The following PTPRF variants were observed in gnomAD, a reference collection of about 807,000 sequenced individuals.
PTPRF encodes the protein protein tyrosine phosphatase receptor type F, also known as receptor-type tyrosine-protein phosphatase F.
In PTPRF, 59 loss-of-function variants were observed where a neutral mutation model predicts 201.8. The observed-to-expected ratio is 0.29, with a 90% CI of 0.24 to 0.36. PTPRF has a LOEUF of 0.36. PTPRF is among the 10% of genes least tolerant of loss of function. The pLI, the probability that PTPRF is intolerant of heterozygous loss-of-function variation, is 1.00. For synonymous variants in PTPRF, 1,088 were observed against 1,089.7 expected (o/e 1.00, Z 0.03); for missense variants, 2,132 against 2,690.5 (o/e 0.79, Z 4.59).
intron 3 of PTPRF, among the ~76,000 whole-genome samples, chr1:43,551,078 C>CG (rs1363452351): frequency 1.3e-5 from 2 of 151,924 alleles, no homozygotes; most frequent in Non-Finnish European, 2.9e-5. Context: ...GGCGGGGTGT[C>CG]GGGGGAGGCT....
intron 12 of PTPRF, 42 bp downstream of exon 12, chr1:43,598,095 C>T (rs1350483549): frequency 7.0e-7 from 1 of 1,436,814 alleles, no homozygotes; most frequent in African/African-American, 1.4e-5. Flanking sequence ...CGTTCTGCCT[C>T]AGACACCACC....
rs765661827 is a variant in PTPRF, at chr1:43,591,444, C to T, written c.1422C>T (p.Thr474=). 5.7e-5 allele frequency: 91 copies of T among 1,591,346 alleles called. No individual in the cohort carries two copies. Among genetic ancestry groups the T allele is most frequent in the Middle Eastern group, 3.3e-4 (2 of 6,056 alleles). ...KHNTDAGLLT[T]VGSLLPGITY... is the part of the protein sequence containing the mutation. ...ACACCGACGCGGGGCTCCTCACGAC[C>T]GTGGGCAGCCTGCTGCCTGGCATCA... is the stretch of plus-strand genomic sequence containing the variant. The change falls in exon 9 of 34, where the codon ACC becomes ACT. Residue 474 remains threonine, a synonymous_variant. Transcript: ENST00000359947.
At chr1:43,576,339 G>GC (rs1646928774) in intron 6 of PTPRF, among the ~76,000 whole-genome samples, 2 of 152,190 alleles carry the variant, frequency 1.3e-5, no homozygotes, top group South Asian at 4.1e-4. Flanking sequence ...CTTTTGGGGG[G>GC]ACCTCAATTA....
chr1:43,609,323 A>G, intron 21 of PTPRF, 60 bp from the exon 22 acceptor site: 10 of 1,391,672 alleles, frequency 7.2e-6, no homozygotes, highest in Non-Finnish European at 1.0e-5. Context: ...CAGCCATGCC[A>G]TGTGTCACTG....
At position 43,617,567 on chromosome 1, in the gene PTPRF, T is replaced by C; in HGVS notation, c.4194T>C (p.Asp1398=). ...DHSRVILTSI[D]GVPGSDYINA... Reference sequence around the variant, plus strand: ...CTCGAGTCATCCTTACCTCTATCGATGGTGAGCCAAGGGGGTGCCCCTCCC... The same window carrying C: ...CTCGAGTCATCCTTACCTCTATCGACGGTGAGCCAAGGGGGTGCCCCTCCC... Residue 1398 remains aspartate (D), a splice_region_variant and synonymous_variant, in exon 24 of 34, where the codon GAT becomes GAC. Transcript: ENST00000359947. The C allele has an allele frequency of 6.2e-7, 1 of 1,613,948 alleles. No homozygotes were observed. Among genetic ancestry groups the C allele is most frequent in the Non-Finnish European group, 8.5e-7 (1 of 1,179,990 alleles).
At chr1:43,620,610 G>A (rs771521613) in intron 31 of PTPRF, 31 bp downstream of exon 31, 19 of 1,606,416 alleles carry the variant, frequency 1.2e-5, no homozygotes, top group Admixed American at 5.1e-5. Context: ...TGTCCATAAC[G>A]CTGCCTGTCC....
intron 3 of PTPRF, among the ~76,000 whole-genome samples, chr1:43,547,882 G>A (rs937597142): frequency 3.3e-5 from 5 of 152,220 alleles, no homozygotes; most frequent in African/African-American, 7.2e-5. Context: ...AGGAGGGGAG[G>A]TTGTGGGGCC....
intron 16 of PTPRF, 96 bp downstream of exon 16, chr1:43,604,285 C>T: frequency 7.7e-7 from 1 of 1,302,632 alleles, no homozygotes; most frequent in Non-Finnish European, 1.1e-6. Context: ...CTGTGATCCA[C>T]CAGCCTCTGG....
In PTPRF at chr1:43,553,726, G is replaced by C. The variant is rs139979001; in HGVS notation, c.238-74G>C. 2.5e-6 allele frequency: 4 copies of C among 1,609,388 alleles called. No individual in the cohort carries two copies. The highest frequency in any genetic ancestry group is 3.4e-6 in the Non-Finnish European group (4 of 1,177,026). On this transcript the variant is annotated intron_variant, in intron 4 of 33. Transcript: ENST00000359947. The surrounding 1 kb of genome is among the most constrained non-coding windows in gnomAD (Gnocchi z 4.1). ...GTCCCTCCTCATGGACCTTTTGGAG[G>C]TGGGAGGACAACTGACCCTGAGCAG...
intron 1 of PTPRF, among the ~76,000 whole-genome samples, chr1:43,531,694 C>T (rs1219441748): frequency 1.3e-5 from 2 of 151,970 alleles, no homozygotes; most frequent in African/African-American, 4.8e-5. Flanking sequence ...CGTTCGCGAG[C>T]ACGGGATGGG....
rs1309024251 is a variant in PTPRF at position 43,578,930 on chromosome 1, C to T, written c.679+10C>T. ...AACCTGTATGTGCGAGGTAAGGACTCAGGCAGTGCCTGGCCCCTGTCACCA... is the reference window on the plus strand; with the variant it reads ...AACCTGTATGTGCGAGGTAAGGACTTAGGCAGTGCCTGGCCCCTGTCACCA... On this transcript the variant is annotated intron_variant, in intron 7 of 33. Coordinates refer to ENST00000359947, the MANE Select transcript of PTPRF (RefSeq NM_002840.5). 6.2e-7 allele frequency: 1 copy of T among 1,612,840 alleles called. No homozygotes were observed. The highest frequency in any genetic ancestry group is 1.1e-5 in the South Asian group (1 of 91,050).
intron 3 of PTPRF, among the ~76,000 whole-genome samples, chr1:43,551,606 G>T (rs1220755735): frequency 6.6e-6 from 1 of 152,178 alleles, no homozygotes; most frequent in Non-Finnish European, 1.5e-5. Flanking sequence ...GAGTGAGAAG[G>T]CTGGATCAAA....
intron 5 of PTPRF, among the ~76,000 whole-genome samples, chr1:43,561,936 G>C (rs1645833686): frequency 6.6e-6 from 1 of 152,176 alleles, no homozygotes; most frequent in Non-Finnish European, 1.5e-5. Context: ...ATACTCACAG[G>C]TACTTGTAAG....
intron 1 of PTPRF, among the ~76,000 whole-genome samples, chr1:43,533,324 C>T (rs866821597): frequency 8.5e-5 from 13 of 152,190 alleles, no homozygotes; most frequent in Middle Eastern, 6.8e-3. Context: ...AGGAATTTGG[C>T]GGGGCAGAGT....
chr1:43,547,456 C>T (rs896455895), intron 3 of PTPRF, among the ~76,000 whole-genome samples: 2 of 152,204 alleles, frequency 1.3e-5, no homozygotes, highest in Non-Finnish European at 2.9e-5. Flanking sequence ...GTGACCGAGC[C>T]GCAGGAGCCA....
upstream of PTPRF, among the ~76,000 whole-genome samples, chr1:43,530,577 A>G (rs1643346530): frequency 6.6e-6 from 1 of 152,076 alleles, no homozygotes; most frequent in African/African-American, 2.4e-5. The surrounding 1 kb of genome is among the most constrained non-coding windows in gnomAD (Gnocchi z 4.1). Flanking sequence ...TCAGATCTGT[A>G]TGGGGAGGAA....
intron 7 of PTPRF, chr1:43,583,073 ATC>A: frequency 1.0e-6 from 1 of 985,006 alleles, no homozygotes; most frequent in Non-Finnish European, 1.2e-6. Context: ...CCAAACTCTC[ATC>A]TCTCAGATCA....
At position 43,607,501 on chromosome 1, in the gene PTPRF, A is replaced by G. The variant is rs115777635; in HGVS notation, c.3857+533A>G. On this transcript the variant is annotated intron_variant, in intron 21 of 33. Coordinates refer to ENST00000359947, the MANE Select transcript of PTPRF (RefSeq NM_002840.5). ...CAGCCTCAGTGTGTCTTTCCCACTC[A>G]GTTCTCTATCGGCAGTGGCCACCAC... Among the ~76,000 whole-genome samples, 609 of 152,226 alleles carry G rather than the reference A, an allele frequency of 4.0e-3. 4 individuals are homozygous for G. Among genetic ancestry groups the G allele is most frequent in the African/African-American group, 0.014 (580 of 41,536 alleles).
chr1:43,597,710 C>T, intron 11 of PTPRF, 38 bp from the exon 12 acceptor site: 1 of 1,338,740 alleles, frequency 7.5e-7, no homozygotes, highest in Non-Finnish European at 1.0e-6. Context: ...GATCCCCACC[C>T]TCCATCTGCT....
Sources: allele counts gnomAD v4.1 joint callset (sites outside exome capture counted in the v4.1 genomes callset), GRCh38; gene constraint gnomAD v4.1.1; non-coding constraint Gnocchi (gnomAD v3.1); transcripts MANE v1.5; gene names NCBI Gene and HGNC (gene_info 2026-07-23, HGNC 2026-07-21).